The following MACROD2 variants were observed in gnomAD, a reference collection of about 807,000 sequenced individuals.
The protein encoded by MACROD2 is mono-ADP ribosylhydrolase 2, also known as ADP-ribose glycohydrolase MACROD2.
A neutral mutation model predicts 70.4 loss-of-function variants in MACROD2; 36 were observed. The ratio of observed to expected loss-of-function variants is 0.51; its 90% CI spans 0.39 to 0.68. The LOEUF is 0.68. Among genes scored for constraint, MACROD2 ranks in the 30% least tolerant of loss-of-function variants. The pLI is 0.00. For missense variants in MACROD2, 496 were observed against 538.4 expected (o/e 0.92, Z 0.78); for synonymous variants, 172 against 178.8 (o/e 0.96, Z 0.30).
At chr20:14,622,548 G>A (rs999904701) in intron 4 of MACROD2, among the ~76,000 whole-genome samples, 1 of 152,020 alleles carries the variant, frequency 6.6e-6, no homozygotes, top group Non-Finnish European at 1.5e-5. Context: ...CTATCATAGG[G>A]GATAAAAACT....
chr20:16,026,159 AAC>A (rs527924035), intron 15 of MACROD2, among the ~76,000 whole-genome samples: 18 of 87,524 alleles, frequency 2.1e-4, no homozygotes, highest in African/African-American at 2.6e-4. Flanking sequence ...ATCTCAAAAA[AAC>A]AAAACAACAA....
chr20:15,525,367 G>A (rs968082192), intron 8 of MACROD2, among the ~76,000 whole-genome samples: 1 of 152,218 alleles, frequency 6.6e-6, no homozygotes, highest in African/African-American at 2.4e-5. Context: ...AGCCACAACT[G>A]TTGGATAAAG....
At chr20:15,145,645 T>C (rs2076224844) in intron 5 of MACROD2, among the ~76,000 whole-genome samples, 1 of 152,184 alleles carries the variant, frequency 6.6e-6, no homozygotes, top group Non-Finnish European at 1.5e-5. Flanking sequence ...CAAGTTGGGA[T>C]GTGAAACTGG....
intron 5 of MACROD2, among the ~76,000 whole-genome samples, chr20:14,722,840 G>A (rs2071485972): frequency 6.6e-6 from 1 of 152,160 alleles, no homozygotes. Context: ...ATCTCTTTGA[G>A]TGATGTCTGA....
At chr20:15,112,000 A>G (rs2075959057) in intron 5 of MACROD2, among the ~76,000 whole-genome samples, 1 of 152,196 alleles carries the variant, frequency 6.6e-6, no homozygotes, top group Non-Finnish European at 1.5e-5. Flanking sequence ...AGATGTTAAA[A>G]TACACCCCAG....
At chr20:14,687,167 T>C (rs1186107831) in intron 5 of MACROD2, among the ~76,000 whole-genome samples, 1 of 152,232 alleles carries the variant, frequency 6.6e-6, no homozygotes, top group Non-Finnish European at 1.5e-5. Context: ...TTGACTGTTT[T>C]CAGACTTGTA....
intron 8 of MACROD2, among the ~76,000 whole-genome samples, chr20:15,540,061 C>A (rs1259729879): frequency 6.6e-6 from 1 of 152,224 alleles, no homozygotes; most frequent in Admixed American, 6.5e-5. Context: ...GACCAACTTA[C>A]AGCTGAAGGG....
chr20:15,250,829 A>C (rs1302302390), intron 6 of MACROD2, among the ~76,000 whole-genome samples: 1 of 152,166 alleles, frequency 6.6e-6, no homozygotes, highest in Non-Finnish European at 1.5e-5. Flanking sequence ...GAGCTCCATG[A>C]GGGTAGGGAC....
At chr20:14,156,834 A>G (rs2055110603) in intron 3 of MACROD2, among the ~76,000 whole-genome samples, 1 of 152,224 alleles carries the variant, frequency 6.6e-6, no homozygotes, top group African/African-American at 2.4e-5. Context: ...ACTGGCATAA[A>G]TGAAACTACT....
intron 6 of MACROD2, among the ~76,000 whole-genome samples, chr20:15,303,274 C>T (rs1028611853): frequency 2.6e-5 from 4 of 152,138 alleles, no homozygotes; most frequent in African/African-American, 4.8e-5. Context: ...GCAGAATTGA[C>T]GGTTTCAATA....
chr20:14,779,626 A>C lies in MACROD2; in HGVS notation c.418+94667A>C, dbSNP rs183426273. ...CAGTTTTCTTATTTGTTATAGGTTT[A>C]TATTGTTAAGCAGTATGGTAAAAAT... is the stretch of plus-strand genomic sequence containing the variant. On this transcript the variant is annotated intron_variant, in intron 5 of 17. Transcript: ENST00000684519. Among the ~76,000 whole-genome samples, 229 of 152,226 alleles carry C rather than the reference A, an allele frequency of 1.5e-3. 2 individuals carry two copies. Among genetic ancestry groups the C allele is most frequent in the Non-Finnish European group, 2.9e-3 (194 of 68,010 alleles).
intron 5 of MACROD2, among the ~76,000 whole-genome samples, chr20:14,744,298 A>T (rs2071771417): frequency 6.6e-6 from 1 of 152,202 alleles, no homozygotes; most frequent in South Asian, 2.1e-4. Context: ...CTATGTTTTC[A>T]GGTAAAACCC....
intron 5 of MACROD2, among the ~76,000 whole-genome samples, chr20:14,782,699 G>T (rs561064235): frequency 6.6e-6 from 1 of 152,052 alleles, no homozygotes; most frequent in Non-Finnish European, 1.5e-5. Flanking sequence ...GGTGATGACC[G>T]CCTCTCTGCC....
intron 3 of MACROD2, among the ~76,000 whole-genome samples, chr20:14,253,317 A>G (rs1367289679): frequency 6.6e-6 from 1 of 152,012 alleles, no homozygotes; most frequent in African/African-American, 2.4e-5. Flanking sequence ...ATGTTTTAAC[A>G]TAACTTATTT....
chr20:14,965,407 T>TTCTAATTG (rs1198445878), intron 5 of MACROD2, among the ~76,000 whole-genome samples: 1 of 151,800 alleles, frequency 6.6e-6, no homozygotes, highest in Non-Finnish European at 1.5e-5. Context: ...TAGATCCATA[T>TTCTAATTG]TCTAATTGTT....
Position 15,594,304 on chromosome 20 carries a change from A to C in MACROD2, c.645+94457A>C, listed in dbSNP as rs561545135. Among the ~76,000 whole-genome samples the C allele has an allele frequency of 2.0e-5, 3 of 151,776 alleles. 1 individual carries two copies. In the South Asian group the frequency reaches 6.2e-4, roughly 32 times the overall value. ...CCTATTTGTGTTGCTGGATGAGCCC[A>C]TTGCTGCTCTGTGCTCTATGGAATT... On this transcript the variant is annotated intron_variant, in intron 8 of 17. Transcript: ENST00000684519.
chr20:15,107,172 C>G (rs930366484), intron 5 of MACROD2, among the ~76,000 whole-genome samples: 2 of 151,300 alleles, frequency 1.3e-5, no homozygotes, highest in African/African-American at 4.9e-5. Flanking sequence ...TAAAATATGA[C>G]CAGTTTACCT....
intron 12 of MACROD2, among the ~76,000 whole-genome samples, chr20:15,964,962 G>A (rs1039778002): frequency 2.0e-5 from 3 of 152,120 alleles, no homozygotes; most frequent in African/African-American, 7.2e-5. Flanking sequence ...GTTTGGTGGT[G>A]GGTCGTGCTG....
intron 8 of MACROD2, among the ~76,000 whole-genome samples, chr20:15,766,867 C>G (rs184351561): frequency 6.6e-6 from 1 of 152,314 alleles, no homozygotes; most frequent in East Asian, 1.9e-4. Context: ...GGGTCTCTAT[C>G]CTCAACTGGC....
Sources: gnomAD v4.1 joint callset for allele counts (sites outside exome capture counted in the v4.1 genomes callset) on GRCh38, gnomAD v4.1.1 for gene constraint, MANE v1.5 for transcripts, NCBI Gene and HGNC (gene_info 2026-07-23, HGNC 2026-07-21) for gene names.